GRHL2: variants seen among roughly 807,000 people sequenced by gnomAD.
The protein encoded by GRHL2 is grainyhead-like protein 2 homolog.
GRHL2 carries 21 observed loss-of-function variants against 83.8 expected under a neutral mutation model. The observed-to-expected ratio is 0.25, with a 90% CI of 0.18 to 0.36. GRHL2 has a LOEUF of 0.36. GRHL2 is among the 10% of genes least tolerant of loss of function. The probability of loss-of-function intolerance (pLI) is 1.00; values close to 1 mark genes in which losing one functional copy is unlikely to be tolerated. For missense variants in GRHL2, 623 were observed against 781.8 expected (o/e 0.80, Z 2.42); for synonymous variants, 280 against 278.9 (o/e 1.00, Z -0.04).
intron 14 of GRHL2, among the ~76,000 whole-genome samples, chr8:101,650,808 C>T (rs79860630): frequency 1.4e-5 from 2 of 142,608 alleles, no homozygotes; most frequent in Admixed American, 6.8e-5. Flanking sequence ...ATTGTGATAT[C>T]TATCTATCTA....
At chr8:101,591,922 A>G (rs1398202551) in intron 7 of GRHL2, among the ~76,000 whole-genome samples, 1 of 152,132 alleles carries the variant, frequency 6.6e-6, no homozygotes, top group South Asian at 2.1e-4. Flanking sequence ...ATAAGTAGAC[A>G]TCCTGGAGCA....
chr8:101,652,412 G>T (rs1813663503), intron 14 of GRHL2, among the ~76,000 whole-genome samples: 1 of 75,104 alleles, frequency 1.3e-5, no homozygotes, highest in Non-Finnish European at 2.4e-5. Context: ...GTGTGTGTGT[G>T]GTGTGTGTGT....
At chr8:101,652,407 T>G (rs1474573829) in intron 14 of GRHL2, among the ~76,000 whole-genome samples, 1 of 82,642 alleles carries the variant, frequency 1.2e-5, no homozygotes, top group African/African-American at 6.7e-5. Context: ...GTCTGGTGTG[T>G]GTGTGGTGTG....
intron 2 of GRHL2, among the ~76,000 whole-genome samples, chr8:101,544,607 A>T (rs994283303): frequency 6.6e-6 from 1 of 152,186 alleles, no homozygotes; most frequent in Non-Finnish European, 1.5e-5. Flanking sequence ...CCTTTGGCTG[A>T]TGCTGGGAAT....
At chr8:101,558,347 G>A (rs1811529428) in intron 3 of GRHL2, 72 bp from the exon 4 acceptor site, 1 of 1,555,274 alleles carries the variant, frequency 6.4e-7, no homozygotes, top group Admixed American at 1.7e-5. Flanking sequence ...GCCTGCATTG[G>A]TTATTCTATT....
chr8:101,558,342 C>A, intron 3 of GRHL2, 77 bp from the exon 4 acceptor site: 1 of 1,522,344 alleles, frequency 6.6e-7, no homozygotes, highest in Non-Finnish European at 9.1e-7. Context: ...TTATTGCCTG[C>A]ATTGGTTATT....
At chr8:101,594,165 G>A (rs940350385) in intron 7 of GRHL2, among the ~76,000 whole-genome samples, 3 of 151,354 alleles carry the variant, frequency 2.0e-5, no homozygotes, top group Non-Finnish European at 4.4e-5. Context: ...AGACAGAAGC[G>A]GAGATCGGAG....
intron 14 of GRHL2, among the ~76,000 whole-genome samples, chr8:101,652,253 TATAC>T (rs1813638111): frequency 6.6e-6 from 1 of 151,852 alleles, no homozygotes; most frequent in African/African-American, 2.4e-5. Flanking sequence ...ATAATATAAA[TATAC>T]ACAATATGAC....
chr8:101,664,412 G>C (rs200355516), intron 14 of GRHL2, 42 bp from the exon 15 acceptor site: 1 of 1,474,438 alleles, frequency 6.8e-7, no homozygotes, highest in Non-Finnish European at 9.5e-7. Flanking sequence ...CCAGTTGGGC[G>C]TCCTTCTGTG....
chr8:101,589,389 C>A (rs1202843209), intron 7 of GRHL2, among the ~76,000 whole-genome samples: 1 of 152,278 alleles, frequency 6.6e-6, no homozygotes, highest in South Asian at 2.1e-4. Context: ...GGTGCAAGCA[C>A]GGGCACGCGT....
chr8:101,656,092 C>T (rs539142005), intron 14 of GRHL2, among the ~76,000 whole-genome samples: 76 of 152,218 alleles, frequency 5.0e-4, no homozygotes, highest in Non-Finnish European at 9.0e-4. Flanking sequence ...GCATCTTCAT[C>T]GCTCTCTGTC....
chr8:101,532,834 A>T (rs531938364), intron 1 of GRHL2, among the ~76,000 whole-genome samples: 1 of 151,714 alleles, frequency 6.6e-6, no homozygotes, highest in East Asian at 1.9e-4. Context: ...TGAGAGAGAG[A>T]TAGAGAGAGA....
intron 1 of GRHL2, among the ~76,000 whole-genome samples, chr8:101,516,643 G>A (rs1810578563): frequency 6.6e-6 from 1 of 152,068 alleles, no homozygotes; most frequent in African/African-American, 2.4e-5. Flanking sequence ...ATGAGCTCAG[G>A]CAATCCTCCT....
At chr8:101,664,587 A>C in intron 15 of GRHL2, 69 bp downstream of exon 15, 1 of 1,126,100 alleles carries the variant, frequency 8.9e-7, no homozygotes. Flanking sequence ...TAAAAATAAA[A>C]TGATGCCTGT....
At chr8:101,535,741 A>T (rs1000920319) in intron 1 of GRHL2, among the ~76,000 whole-genome samples, 31 of 151,868 alleles carry the variant, frequency 2.0e-4, no homozygotes, top group African/African-American at 7.5e-4. Flanking sequence ...GGTTTCACCA[A>T]GTTGGCCAGG....
At chr8:101,575,640 C>A (rs914862665) in intron 6 of GRHL2, among the ~76,000 whole-genome samples, 2 of 152,156 alleles carry the variant, frequency 1.3e-5, no homozygotes, top group Non-Finnish European at 2.9e-5. Flanking sequence ...CTGCGTTTTC[C>A]TTTATCATTG....
intron 1 of GRHL2, among the ~76,000 whole-genome samples, chr8:101,509,406 G>T (rs898599156): frequency 6.6e-6 from 1 of 151,744 alleles, no homozygotes; most frequent in African/African-American, 2.4e-5. Context: ...TCTGTCACAT[G>T]CATGTTGCTT....
chr8:101,591,498 A>G (rs1812280572), intron 7 of GRHL2, among the ~76,000 whole-genome samples: 1 of 152,202 alleles, frequency 6.6e-6, no homozygotes, highest in Non-Finnish European at 1.5e-5. Context: ...TCAAGCTTAC[A>G]TTCCTTCAGT....
At chr8:101,509,720 T>A (rs946802925) in intron 1 of GRHL2, among the ~76,000 whole-genome samples, 1 of 152,184 alleles carries the variant, frequency 6.6e-6, no homozygotes, top group East Asian at 1.9e-4. Context: ...GGCTACTGAT[T>A]AAGGGGAAAA....
Sources: allele counts gnomAD v4.1 joint callset (sites outside exome capture counted in the v4.1 genomes callset), GRCh38; gene constraint gnomAD v4.1.1; transcripts MANE v1.5; gene names NCBI Gene and HGNC (gene_info 2026-07-23, HGNC 2026-07-21).